The following CAMTA1 variants were observed in gnomAD, a reference collection of about 807,000 sequenced individuals.
The protein encoded by CAMTA1 is calmodulin-binding transcription activator 1.
In CAMTA1, 27 loss-of-function variants were observed where a neutral mutation model predicts 170.9. That is an observed-to-expected ratio of 0.16 (90% CI 0.12 to 0.22). The LOEUF (loss-of-function observed/expected upper bound fraction) is 0.22. Among genes scored for constraint, CAMTA1 ranks in the 10% least tolerant of loss-of-function variants. CAMTA1 has a pLI of 1.00. For synonymous variants in CAMTA1, 833 were observed against 891.5 expected (o/e 0.93, Z 1.17); for missense variants, 1,619 against 2,217.2 (o/e 0.73, Z 5.42).
At position 7,738,409 on chromosome 1, in the gene CAMTA1, T is replaced by C. The variant is rs770684203; in HGVS notation, c.4109T>C (p.Val1370Ala). The change falls in exon 16 of 23, where the codon GTG becomes GCG. Residue 1370 changes from valine to alanine, a missense_variant. Coordinates refer to ENST00000303635, the MANE Select transcript of CAMTA1 (RefSeq NM_015215.4). The surrounding 1 kb of genome is among the most constrained non-coding windows in gnomAD (Gnocchi z 4.9). ...CTGATGATGGCTAACAGAGAGGTGG[T>C]GAATACAGAGCTGGGGTCCTACCGT... ...SVLMMANREV[V>A]NTELGSYRDS... 6.8e-6 allele frequency: 11 copies of C among 1,614,116 alleles called. No homozygotes were observed. The South Asian group carries it at 1.1e-4, about 16-fold the overall frequency.
At chr1:6,840,140 A>G (rs1369669516) in intron 3 of CAMTA1, among the ~76,000 whole-genome samples, 2 of 152,178 alleles carry the variant, frequency 1.3e-5, no homozygotes, top group Non-Finnish European at 2.9e-5. Flanking sequence ...CAGAGGTTGC[A>G]GTGAGTCGAG....
At chr1:7,497,044 G>A (rs557976623) in intron 6 of CAMTA1, among the ~76,000 whole-genome samples, 1 of 152,148 alleles carries the variant, frequency 6.6e-6, no homozygotes, top group East Asian at 1.9e-4. Flanking sequence ...AATAGCTGAG[G>A]CCACCAAGGC....
At chr1:6,825,616 G>C (rs928527574) in intron 3 of CAMTA1, among the ~76,000 whole-genome samples, 5 of 152,182 alleles carry the variant, frequency 3.3e-5, no homozygotes, top group Non-Finnish European at 5.9e-5. Context: ...TTTTTGTAGA[G>C]TTGGAAAGGG....
intron 6 of CAMTA1, among the ~76,000 whole-genome samples, chr1:7,630,307 G>A (rs143566720): frequency 2.7e-4 from 41 of 152,282 alleles, no homozygotes; most frequent in African/African-American, 8.7e-4. Context: ...TCTGCTCAGC[G>A]AGAGTGGAGA....
chr1:6,841,531 C>T (rs1235879695), intron 3 of CAMTA1, among the ~76,000 whole-genome samples: 1 of 150,656 alleles, frequency 6.6e-6, no homozygotes, highest in Non-Finnish European at 1.5e-5. Context: ...GAAGAGCCAG[C>T]GAGGTGAGGA....
intron 5 of CAMTA1, among the ~76,000 whole-genome samples, chr1:7,337,101 T>C (rs1242546508): frequency 6.6e-6 from 1 of 152,218 alleles, no homozygotes; most frequent in African/African-American, 2.4e-5. Flanking sequence ...GGGAGTTGCT[T>C]AGGCAGATTA....
chr1:6,837,317 GC>G (rs1336981174), intron 3 of CAMTA1, among the ~76,000 whole-genome samples: 1 of 152,170 alleles, frequency 6.6e-6, no homozygotes, highest in Non-Finnish European at 1.5e-5. Context: ...GCGCCGAGGT[GC>G]CTACCCTCTT....
At chr1:7,350,786 A>G (rs2084610248) in intron 5 of CAMTA1, among the ~76,000 whole-genome samples, 1 of 152,296 alleles carries the variant, frequency 6.6e-6, no homozygotes, top group South Asian at 2.1e-4. Context: ...CACAACACAT[A>G]TGCACCATGC....
rs1328334617 is a variant in CAMTA1 at position 7,547,598 on chromosome 1, G to C, written c.510+79697G>C. ...TCTAAAGATGATTTAAATCAAGCTTGTCCAACCCATGGCTTGTGGGCTGCC... is the reference window on the plus strand; with the variant it reads ...TCTAAAGATGATTTAAATCAAGCTTCTCCAACCCATGGCTTGTGGGCTGCC... On this transcript the variant is annotated intron_variant, in intron 6 of 22. Transcript: ENST00000303635. The surrounding 1 kb of genome is among the most constrained non-coding windows in gnomAD (Gnocchi z 5.7). 6.6e-6 allele frequency among the ~76,000 whole-genome samples: 1 copy of C among 152,068 alleles called. No homozygotes were observed. Among genetic ancestry groups the C allele is most frequent in the Non-Finnish European group, 1.5e-5 (1 of 68,016 alleles).
chr1:7,298,752 T>A (rs1674340666), intron 5 of CAMTA1, among the ~76,000 whole-genome samples: 1 of 152,188 alleles, frequency 6.6e-6, no homozygotes, highest in African/African-American at 2.4e-5. Context: ...TGTGTTAGGT[T>A]CTGAAGCTCT....
chr1:6,842,108 C>T (rs780534816), intron 3 of CAMTA1, among the ~76,000 whole-genome samples: 10 of 152,340 alleles, frequency 6.6e-5, no homozygotes, highest in South Asian at 4.1e-4. Context: ...TCTCCTCACC[C>T]GCTAAATTGT....
chr1:7,151,342 G>A (rs538187252), intron 4 of CAMTA1, among the ~76,000 whole-genome samples: 1 of 152,288 alleles, frequency 6.6e-6, no homozygotes, highest in East Asian at 1.9e-4. Flanking sequence ...CAGGCCTGGG[G>A]CCCCCAGTTC....
intron 6 of CAMTA1, among the ~76,000 whole-genome samples, chr1:7,621,934 G>C (rs1203629188): frequency 6.6e-6 from 1 of 152,212 alleles, no homozygotes; most frequent in Non-Finnish European, 1.5e-5. Context: ...GCTAAAGATA[G>C]TGAGGCGTCT....
chr1:6,824,174 T>C (rs772166109), intron 2 of CAMTA1, among the ~76,000 whole-genome samples: 1 of 152,190 alleles, frequency 6.6e-6, no homozygotes, highest in East Asian at 1.9e-4. Context: ...ACCCTTTGTA[T>C]ATTGGGGATC....
At chr1:6,931,382 A>G (rs749315615) in intron 3 of CAMTA1, among the ~76,000 whole-genome samples, 3 of 152,228 alleles carry the variant, frequency 2.0e-5, no homozygotes, top group Non-Finnish European at 4.4e-5. Flanking sequence ...CCCTCATTCC[A>G]TCCTGGCGTG....
At chr1:6,785,854 C>T (rs1482449803) in intron 1 of CAMTA1, among the ~76,000 whole-genome samples, 1 of 145,108 alleles carries the variant, frequency 6.9e-6, no homozygotes, top group Non-Finnish European at 1.5e-5. Context: ...GGGCGGGGAC[C>T]GGGCCCAGCG....
intron 3 of CAMTA1, among the ~76,000 whole-genome samples, chr1:7,002,164 A>C (rs1167262560): frequency 6.6e-6 from 1 of 151,968 alleles, no homozygotes; most frequent in Non-Finnish European, 1.5e-5. Context: ...TCAAGTGCTG[A>C]GATTACAAGT....
At chr1:7,492,935 G>A (rs928491377) in intron 6 of CAMTA1, among the ~76,000 whole-genome samples, 11 of 86,628 alleles carry the variant, frequency 1.3e-4, no homozygotes, top group East Asian at 5.1e-4. Flanking sequence ...AAACACACAC[G>A]CACGCACACA....
chr1:7,361,221 T>A (rs969379475), intron 5 of CAMTA1, among the ~76,000 whole-genome samples: 2 of 152,198 alleles, frequency 1.3e-5, no homozygotes, highest in African/African-American at 2.4e-5. Flanking sequence ...ATAGGGTGGG[T>A]CCTCAGTTCT....
Sources: gnomAD v4.1 joint callset for allele counts (sites outside exome capture counted in the v4.1 genomes callset) on GRCh38, gnomAD v4.1.1 for gene constraint, Gnocchi (gnomAD v3.1) non-coding constraint, MANE v1.5 for transcripts, NCBI Gene and HGNC (gene_info 2026-07-23, HGNC 2026-07-21) for gene names.